Variants in VWA8 observed in about 807,000 individuals in gnomAD.
VWA8 encodes the protein von Willebrand factor A domain-containing protein 8.
VWA8 carries 221 observed loss-of-function variants against 241.5 expected under a neutral mutation model. The ratio of observed to expected loss-of-function variants is 0.91; its 90% CI spans 0.82 to 1.02. VWA8 has a LOEUF of 1.02. VWA8 is among the 50% of genes least tolerant of loss of function. The probability of loss-of-function intolerance (pLI) is 0.00; values close to 1 mark genes in which losing one functional copy is unlikely to be tolerated. For synonymous variants in VWA8, 852 were observed against 827.1 expected, an observed-to-expected ratio of 1.03 and a Z score of -0.52; for missense variants, 2,322 against 2,328.7, an observed-to-expected ratio of 1.00 and a Z score of 0.06.
At chr13:41,572,665 G>T (rs1002498700) in intron 43 of VWA8, among the ~76,000 whole-genome samples, 9 of 151,816 alleles carry the variant, frequency 5.9e-5, no homozygotes, top group South Asian at 2.1e-4. Context: ...GAGGAAGGCC[G>T]CAGGGTCCTC....
intron 22 of VWA8, among the ~76,000 whole-genome samples, chr13:41,730,086 C>G (rs754487862): frequency 6.6e-6 from 1 of 152,074 alleles, no homozygotes; most frequent in Non-Finnish European, 1.5e-5. Context: ...TATTAGAACA[C>G]TGAATTTGTT....
chr13:41,625,586 G>A lies in VWA8; in HGVS notation c.4612-10502C>T, dbSNP rs544057998. ...TCATTAAAAAGTCAGGAAACAACAG[G>A]TGCGGGAGAGGATGTGGAGAAATAG... On this transcript the variant is annotated intron_variant, in intron 37 of 44. Coordinates refer to ENST00000379310, the MANE Select transcript of VWA8 (RefSeq NM_015058.2). Among the ~76,000 whole-genome samples, 10 of 152,262 alleles carry A rather than the reference G, an allele frequency of 6.6e-5. No individual in the cohort carries two copies. In the South Asian group the frequency reaches 2.1e-3, roughly 32 times the overall value.
At chr13:41,842,794 T>G (rs1872118418) in intron 12 of VWA8, among the ~76,000 whole-genome samples, 1 of 152,202 alleles carries the variant, frequency 6.6e-6, no homozygotes, top group South Asian at 2.1e-4. Flanking sequence ...AAACATCATT[T>G]CTTAAAGTCT....
intron 14 of VWA8, among the ~76,000 whole-genome samples, chr13:41,827,703 T>C (rs1046499881): frequency 2.6e-5 from 4 of 152,222 alleles, no homozygotes; most frequent in Non-Finnish European, 5.9e-5. Context: ...TAAGCCTAGT[T>C]TGTATTTATG....
intron 43 of VWA8, among the ~76,000 whole-genome samples, chr13:41,571,561 GCTGGTCTCCAGCTCCTGA>G (rs1410189785): frequency 6.6e-6 from 1 of 152,216 alleles, no homozygotes; most frequent in Non-Finnish European, 1.5e-5. Context: ...TGTTGGCCGG[GCTGGTCTCCAGCTCCTGA>G]CTGCGAGTGA....
chr13:41,782,576 ATTAG>A lies in VWA8; in HGVS notation c.2277+1215_2277+1218del, dbSNP rs1868937325. ...TAATGCTCCAGAAGAAAAATAAAAC[ATTAG>A]TTAATTGGCTATAAAATGAATAAAA... On this transcript the variant is annotated intron_variant, in intron 19 of 44. Transcript: ENST00000379310. 4.6e-5 allele frequency among the ~76,000 whole-genome samples: 7 copies of A among 152,204 alleles called. No homozygotes were observed. The South Asian group carries it at 1.4e-3, about 31-fold the overall frequency.
intron 9 of VWA8, among the ~76,000 whole-genome samples, chr13:41,874,348 G>A (rs1873796017): frequency 6.6e-6 from 1 of 151,852 alleles, no homozygotes; most frequent in South Asian, 2.1e-4. Context: ...AATTAGGCAG[G>A]AGAAGGAAAT....
At chr13:41,937,401 C>G (rs1030502073) in intron 2 of VWA8, among the ~76,000 whole-genome samples, 1 of 152,148 alleles carries the variant, frequency 6.6e-6, no homozygotes, top group Non-Finnish European at 1.5e-5. Context: ...AGTGAGAGAT[C>G]GTCAGGCATT....
chr13:41,612,976 G>A (rs2044599583), intron 38 of VWA8, among the ~76,000 whole-genome samples: 1 of 152,146 alleles, frequency 6.6e-6, no homozygotes, highest in African/African-American at 2.4e-5. Context: ...CATAATAAAA[G>A]CCATATAATG....
At chr13:41,919,149 G>A (rs950682400) in intron 2 of VWA8, among the ~76,000 whole-genome samples, 5 of 152,162 alleles carry the variant, frequency 3.3e-5, no homozygotes, top group African/African-American at 1.2e-4. Context: ...ATCCTGTAGA[G>A]CACAGAAACC....
rs1189362474 is a variant in VWA8 at position 41,960,884 on chromosome 13, T to C, written c.132A>G (p.Arg44=). The C allele has an allele frequency of 1.6e-5, 24 of 1,516,464 alleles. No individual in the cohort carries two copies. The highest frequency in any genetic ancestry group is 2.0e-5 in the Non-Finnish European group (23 of 1,138,512). The allele number at this position is 1,516,464 out of a possible 1,614,324, so 93.9% of individuals were successfully genotyped here. A position where few individuals can be genotyped will look rare whatever the true frequency, so the allele number is the denominator to read the frequency against. ...PGGDRQRPEV[R]LLHAGSGADT... ...CGGCCCCCGAGCCGGCGTGCAACAG[T>C]CTGACCTCCGGCCGCTGCCTGTCGC... The change falls in exon 1 of 45, where the codon AGA becomes AGG. Residue 44 remains arginine, a synonymous_variant. Coordinates refer to ENST00000379310, the MANE Select transcript of VWA8 (RefSeq NM_015058.2).
chr13:41,738,787 C>A (rs1375847138), intron 21 of VWA8, among the ~76,000 whole-genome samples: 1 of 151,876 alleles, frequency 6.6e-6, no homozygotes, highest in Non-Finnish European at 1.5e-5. Context: ...CAGAAAAACA[C>A]ATTTTCTAAT....
rs555118780 is a variant in VWA8 at position 41,830,657 on chromosome 13, A to G, written c.1587-15T>C. ...CATGGATTAACCTAACAAGATAAGAAAAAAGCCCGAAAATAAATTAATGTG... is the reference window on the plus strand; with the variant it reads ...CATGGATTAACCTAACAAGATAAGAGAAAAGCCCGAAAATAAATTAATGTG... On this transcript the variant is annotated splice_polypyrimidine_tract_variant and intron_variant, in intron 13 of 44. Transcript: ENST00000379310. 1.2e-6 allele frequency: 2 copies of G among 1,603,856 alleles called. No individual in the cohort carries two copies. The highest frequency in any genetic ancestry group is 1.7e-5 in the Admixed American group (1 of 58,894).
At chr13:41,710,941 C>T (rs2045312143) in intron 26 of VWA8, among the ~76,000 whole-genome samples, 1 of 152,190 alleles carries the variant, frequency 6.6e-6, no homozygotes, top group African/African-American at 2.4e-5. Context: ...GATGGCACAA[C>T]TATGTAAATT....
chr13:41,960,249 T>C (rs1878547734), intron 1 of VWA8, among the ~76,000 whole-genome samples: 1 of 152,244 alleles, frequency 6.6e-6, no homozygotes. Context: ...TGGGTTTCAA[T>C]TACCTCATTT....
chr13:41,816,118 GA>G (rs1870678969), intron 16 of VWA8, among the ~76,000 whole-genome samples: 1 of 152,142 alleles, frequency 6.6e-6, no homozygotes, highest in Admixed American at 6.5e-5. Context: ...TATCCAGGGG[GA>G]AAGTGAAAGA....
chr13:41,864,635 A>G (rs904171802), intron 12 of VWA8: 3 of 441,142 alleles, frequency 6.8e-6, no homozygotes, highest in African/African-American at 4.1e-5. Context: ...AGGCAAATTT[A>G]TAGGGACAGA....
chr13:41,586,917 G>A (rs1290634267), intron 42 of VWA8, among the ~76,000 whole-genome samples: 1 of 152,236 alleles, frequency 6.6e-6, no homozygotes, highest in East Asian at 1.9e-4. Flanking sequence ...GGCTGATTAA[G>A]AGAGGATTAA....
intron 14 of VWA8, among the ~76,000 whole-genome samples, chr13:41,824,908 G>A (rs1871117536): frequency 6.6e-6 from 1 of 151,710 alleles, no homozygotes; most frequent in Non-Finnish European, 1.5e-5. Context: ...GGGATATACT[G>A]AGAATGCTCA....
Sources: allele counts gnomAD v4.1 joint callset (sites outside exome capture counted in the v4.1 genomes callset), GRCh38; gene constraint gnomAD v4.1.1; transcripts MANE v1.5; gene names NCBI Gene and HGNC (gene_info 2026-07-23, HGNC 2026-07-21).